The following MOB3B variants were observed in gnomAD, a reference collection of about 807,000 sequenced individuals.
MOB3B encodes the protein MOB kinase activator-like 2B.
A neutral mutation model predicts 18.7 loss-of-function variants in MOB3B; 7 were observed. The ratio of observed to expected loss-of-function variants is 0.37; its 90% CI spans 0.21 to 0.70. The LOEUF is 0.70. Ranked by LOEUF, MOB3B falls within the 30% of genes least tolerant of loss-of-function variation. The pLI, the probability that MOB3B is intolerant of heterozygous loss-of-function variation, is 0.52. For synonymous variants in MOB3B, 111 were observed against 99.9 expected (o/e 1.11, Z -0.66); for missense variants, 253 against 281.3 (o/e 0.90, Z 0.72).
intron 1 of MOB3B, among the ~76,000 whole-genome samples, chr9:27,463,240 C>T (rs965559643): frequency 1.3e-5 from 2 of 152,060 alleles, no homozygotes; most frequent in African/African-American, 4.8e-5. Flanking sequence ...TTATTAAGGA[C>T]TTCCTATTTA....
intron 3 of MOB3B, among the ~76,000 whole-genome samples, chr9:27,343,358 G>A (rs201601291): frequency 0.036 from 5,431 of 149,092 alleles, 210 homozygotes; most frequent in African/African-American, 0.097. Context: ...GGGGTCCTCT[G>A]TCTAGGAAAA....
At chr9:27,360,640 G>C (rs1246264881) in intron 2 of MOB3B, among the ~76,000 whole-genome samples, 1 of 152,226 alleles carries the variant, frequency 6.6e-6, no homozygotes, top group African/African-American at 2.4e-5. Flanking sequence ...GAAGCCTGGA[G>C]TTTTGCTGTC....
chr9:27,364,336 G>C (rs1457682253), intron 2 of MOB3B, among the ~76,000 whole-genome samples: 1 of 151,838 alleles, frequency 6.6e-6, no homozygotes, highest in Non-Finnish European at 1.5e-5. Flanking sequence ...CTCCACTTCA[G>C]TATTCCCCAT....
At chr9:27,454,512 G>A (rs983715538) in intron 2 of MOB3B, among the ~76,000 whole-genome samples, 2 of 152,206 alleles carry the variant, frequency 1.3e-5, no homozygotes, top group African/African-American at 4.8e-5. Context: ...AGACTGACTG[G>A]TCCTTCCTTT....
chr9:27,417,180 C>G (rs953377037), intron 2 of MOB3B, among the ~76,000 whole-genome samples: 1 of 151,840 alleles, frequency 6.6e-6, no homozygotes, highest in Admixed American at 6.6e-5. Flanking sequence ...TGGATAACAC[C>G]GTGAAACCCC....
At chr9:27,375,753 C>G (rs930918570) in intron 2 of MOB3B, among the ~76,000 whole-genome samples, 1 of 152,156 alleles carries the variant, frequency 6.6e-6, no homozygotes, top group Admixed American at 6.5e-5. Context: ...TCCCTAGGTT[C>G]CTATGATGAT....
chr9:27,383,868 G>T (rs1441651997), intron 2 of MOB3B, among the ~76,000 whole-genome samples: 1 of 152,114 alleles, frequency 6.6e-6, no homozygotes, highest in African/African-American at 2.4e-5. Context: ...TTATTGTATT[G>T]TCTAGCATTT....
At chr9:27,423,678 T>C (rs1317972593) in intron 2 of MOB3B, among the ~76,000 whole-genome samples, 1 of 152,358 alleles carries the variant, frequency 6.6e-6, no homozygotes, top group Non-Finnish European at 1.5e-5. Context: ...CTGTCTTCAC[T>C]ACAAGAGTAG....
rs149600037 is a variant in MOB3B at position 27,341,218 on chromosome 9, G to A, written c.622-10602C>T. On this transcript the variant is annotated intron_variant, in intron 3 of 3. Coordinates refer to ENST00000262244, the MANE Select transcript of MOB3B (RefSeq NM_024761.5). Reference sequence around the variant, plus strand: ...TTATTTATTCTGACAGAAGCTTAATGGGGGCAACTCTTAATGACATGCAAG... The same window carrying A: ...TTATTTATTCTGACAGAAGCTTAATAGGGGCAACTCTTAATGACATGCAAG... Among the ~76,000 whole-genome samples, 8 of 152,318 alleles carry A rather than the reference G, an allele frequency of 5.3e-5. No individual in the cohort carries two copies. The East Asian group carries it at 1.2e-3, about 22-fold the overall frequency.
intron 1 of MOB3B, among the ~76,000 whole-genome samples, chr9:27,474,081 C>T (rs187303526): frequency 6.6e-6 from 1 of 152,258 alleles, no homozygotes; most frequent in East Asian, 1.9e-4. Context: ...TGTTTATAAG[C>T]CACCCAGTCT....
chr9:27,380,529 G>A (rs1323885165), intron 2 of MOB3B, among the ~76,000 whole-genome samples: 3 of 152,056 alleles, frequency 2.0e-5, no homozygotes, highest in East Asian at 1.9e-4. Context: ...GAGCCACCAC[G>A]CCCCGCCAAG....
At chr9:27,394,529 T>C (rs1821774159) in intron 2 of MOB3B, among the ~76,000 whole-genome samples, 1 of 152,126 alleles carries the variant, frequency 6.6e-6, no homozygotes, top group South Asian at 2.1e-4. Flanking sequence ...CAAACCCACA[T>C]GATACCAGCC....
intron 2 of MOB3B, among the ~76,000 whole-genome samples, chr9:27,426,390 A>T (rs141295714): frequency 1.6e-3 from 239 of 152,316 alleles, no homozygotes; most frequent in African/African-American, 5.5e-3. Context: ...GTTGGGGTGC[A>T]GGGAGAGGTC....
At chr9:27,364,121 G>C (rs567915297) in intron 2 of MOB3B, among the ~76,000 whole-genome samples, 11 of 152,160 alleles carry the variant, frequency 7.2e-5, no homozygotes, top group Non-Finnish European at 1.5e-4. Context: ...AAAGAATCCA[G>C]CTCAGCAATT....
intron 2 of MOB3B, among the ~76,000 whole-genome samples, chr9:27,359,876 C>T (rs1317992818): frequency 3.9e-5 from 6 of 152,194 alleles, no homozygotes; most frequent in East Asian, 1.9e-4. Context: ...ATTGCAGGAT[C>T]GCAAGCCCAC....
In MOB3B at chr9:27,329,813, G is replaced by A. The variant is rs1820761589; in HGVS notation, c.*774C>T. On this transcript the variant is annotated 3_prime_UTR_variant, in exon 4 of 4. Transcript: ENST00000262244. ...TTCCACTGAAGAGACAAGGAATGAT[G>A]GTGGTTATAAAAAATACATTCTGAT... 6.6e-6 allele frequency: 1 copy of A among 152,592 alleles called. No individual in the cohort carries two copies. The highest frequency in any genetic ancestry group is 2.4e-5 in the African/African-American group (1 of 41,436). The allele number at this position is 152,592 out of a possible 1,614,324, so 9.5% of individuals were successfully genotyped here. A position where few individuals can be genotyped will look rare whatever the true frequency, so the allele number is the denominator to read the frequency against.
intron 3 of MOB3B, among the ~76,000 whole-genome samples, chr9:27,357,208 A>G (rs541902770): frequency 6.9e-6 from 1 of 144,150 alleles, no homozygotes; most frequent in Non-Finnish European, 1.5e-5. Flanking sequence ...GAAAAACACT[A>G]AAGGTGATAT....
intron 2 of MOB3B, among the ~76,000 whole-genome samples, chr9:27,401,425 GT>G (rs1821876980): frequency 6.6e-6 from 1 of 152,202 alleles, no homozygotes; most frequent in Non-Finnish European, 1.5e-5. Flanking sequence ...TCAAGTCAGT[GT>G]CCACCCTGGT....
At chr9:27,510,770 T>A (rs1327403358) in intron 1 of MOB3B, among the ~76,000 whole-genome samples, 3 of 152,180 alleles carry the variant, frequency 2.0e-5, no homozygotes, top group Non-Finnish European at 4.4e-5. Context: ...TCTCTTTTAA[T>A]CACATGATGC....
Sources: gnomAD v4.1 joint callset for allele counts (sites outside exome capture counted in the v4.1 genomes callset) on GRCh38, gnomAD v4.1.1 for gene constraint, MANE v1.5 for transcripts, NCBI Gene and HGNC (gene_info 2026-07-23, HGNC 2026-07-21) for gene names.